Variants in TRHDE observed in about 807,000 individuals in gnomAD.
TRHDE encodes the protein thyrotropin releasing hormone degrading enzyme.
Under a neutral mutation model 125.7 loss-of-function variants are expected in TRHDE, and 72 were observed. The ratio of observed to expected loss-of-function variants is 0.57; its 90% CI spans 0.47 to 0.70. The LOEUF is 0.70. TRHDE is among the 30% of genes least tolerant of loss of function. TRHDE has a pLI of 0.00. For missense variants in TRHDE, 1,110 were observed against 1,327.1 expected, an observed-to-expected ratio of 0.84 and a Z score of 2.54; for synonymous variants, 509 against 509.1, an observed-to-expected ratio of 1.00 and a Z score of 0.00.
chr12:72,584,245 A>G (rs1414850622), intron 12 of TRHDE, among the ~76,000 whole-genome samples: 2 of 152,096 alleles, frequency 1.3e-5, no homozygotes, highest in Non-Finnish European at 2.9e-5. Context: ...GTATTTTGAC[A>G]TTATTCTGTA....
At chr12:72,254,541 A>G (rs1198928802) in intron 2 of TRHDE, 1 of 152,206 alleles carries the variant, frequency 6.6e-6, no homozygotes, top group African/African-American at 2.4e-5. Context: ...TTAGATTAGT[A>G]TATCCTTTTC....
chr12:72,531,662 C>T (rs10879439), intron 6 of TRHDE, among the ~76,000 whole-genome samples: 59,658 of 151,706 alleles, frequency 0.39, 14,049 homozygotes, highest in African/African-American at 0.65. Context: ...TGATGTTGTG[C>T]TGTCCAATGT....
At chr12:72,127,047 A>C (rs1441161322) in intron 2 of TRHDE, among the ~76,000 whole-genome samples, 1 of 152,216 alleles carries the variant, frequency 6.6e-6, no homozygotes, top group African/African-American at 2.4e-5. Flanking sequence ...AGACATGAAC[A>C]CTTCTCAAAA....
intron 3 of TRHDE, among the ~76,000 whole-genome samples, chr12:72,450,993 T>G (rs1875542727): frequency 6.6e-6 from 1 of 152,186 alleles, no homozygotes; most frequent in Non-Finnish European, 1.5e-5. Flanking sequence ...AAAATCAAAT[T>G]ATTTGTTTTC....
intron 2 of TRHDE, among the ~76,000 whole-genome samples, chr12:72,330,390 A>T (rs1034521677): frequency 3.3e-5 from 5 of 151,894 alleles, no homozygotes; most frequent in African/African-American, 4.8e-5. Context: ...AATCATGCAC[A>T]TAGTTGGTTC....
At chr12:72,417,287 T>G (rs1472281119) in intron 3 of TRHDE, among the ~76,000 whole-genome samples, 2 of 152,050 alleles carry the variant, frequency 1.3e-5, no homozygotes, top group African/African-American at 2.4e-5. Context: ...ACTTTGATAG[T>G]CCTAAGTTTT....
intron 12 of TRHDE, among the ~76,000 whole-genome samples, chr12:72,615,703 C>T (rs928468087): frequency 1.3e-5 from 2 of 152,066 alleles, no homozygotes; most frequent in Non-Finnish European, 1.5e-5. Context: ...TTACTCTATT[C>T]GAGGTCTGCA....
intron 2 of TRHDE, among the ~76,000 whole-genome samples, chr12:72,335,841 T>TA (rs1234501064): frequency 6.6e-6 from 1 of 152,160 alleles, no homozygotes. Context: ...AGAGCTGCCT[T>TA]AAAAAACCCA....
intron 5 of TRHDE, among the ~76,000 whole-genome samples, chr12:72,487,723 T>A (rs1360295401): frequency 6.6e-6 from 1 of 152,130 alleles, no homozygotes. Context: ...GAGGTAAATG[T>A]ATAGTCAGAT....
intron 2 of TRHDE, among the ~76,000 whole-genome samples, chr12:72,133,577 A>G (rs183884232): frequency 1.3e-5 from 2 of 152,288 alleles, no homozygotes; most frequent in Admixed American, 6.5e-5. Flanking sequence ...TGTTGGTTGA[A>G]TTTCAAGATG....
At chr12:72,210,263 A>G (rs1329891512) in intron 2 of TRHDE, among the ~76,000 whole-genome samples, 6 of 152,020 alleles carry the variant, frequency 3.9e-5, no homozygotes, top group Non-Finnish European at 5.9e-5. Flanking sequence ...TTAGCATATG[A>G]CATTAAAAGT....
intron 6 of TRHDE, among the ~76,000 whole-genome samples, chr12:72,512,392 A>AATT (rs902507076): frequency 9.9e-5 from 14 of 141,288 alleles, no homozygotes; most frequent in African/African-American, 3.4e-4. Context: ...TATAATATAT[A>AATT]ATTATTATTA....
rs1592601826 is a variant in TRHDE, at chr12:72,660,860, TA to T, written c.3067-2190del. Among the ~76,000 whole-genome samples, 4 of 152,190 alleles carry T rather than the reference TA, an allele frequency of 2.6e-5. No individual in the cohort carries two copies. In the East Asian group the frequency reaches 7.7e-4, roughly 29 times the overall value. On this transcript the variant is annotated intron_variant, in intron 18 of 18. Coordinates refer to ENST00000261180, the MANE Select transcript of TRHDE (RefSeq NM_013381.3). ...GGAAGAAATAAGCAAACTAGAATGC[TA>T]ACTGCCTTTCTTTTACCCCAAGCCC...
At chr12:72,321,514 T>C (rs1869094382) in intron 2 of TRHDE, among the ~76,000 whole-genome samples, 2 of 152,158 alleles carry the variant, frequency 1.3e-5, no homozygotes, top group Non-Finnish European at 2.9e-5. Flanking sequence ...GAAAGTGTTT[T>C]CAAAATTCAC....
At chr12:72,582,399 C>T in intron 12 of TRHDE, 1 of 985,204 alleles carries the variant, frequency 1.0e-6, no homozygotes, top group South Asian at 4.7e-5. Flanking sequence ...ATAACCTTAA[C>T]AACATTTGCA....
chr12:72,494,595 A>C (rs1187059541), intron 5 of TRHDE, among the ~76,000 whole-genome samples: 1 of 151,642 alleles, frequency 6.6e-6, no homozygotes, highest in Non-Finnish European at 1.5e-5. Flanking sequence ...CCTTACTCTT[A>C]TTTCCTATTT....
chr12:72,239,056 G>C (rs767205108), intron 2 of TRHDE, among the ~76,000 whole-genome samples: 87 of 152,276 alleles, frequency 5.7e-4, no homozygotes, highest in Non-Finnish European at 1.1e-3. Context: ...AGCATCTGTT[G>C]TTTCCTGACT....
At chr12:72,378,187 T>A in intron 3 of TRHDE, 66 bp downstream of exon 3, 1 of 1,422,618 alleles carries the variant, frequency 7.0e-7, no homozygotes, top group Admixed American at 2.4e-5. Flanking sequence ...CTTCATGTGT[T>A]TATTTGAGCC....
intron 6 of TRHDE, among the ~76,000 whole-genome samples, chr12:72,520,709 C>T (rs767878323): frequency 1.8e-4 from 27 of 152,120 alleles, no homozygotes; most frequent in Admixed American, 7.9e-4. Flanking sequence ...AGCTTCTTAG[C>T]ATCAGAAAAT....
Sources: gnomAD v4.1 joint callset for allele counts (sites outside exome capture counted in the v4.1 genomes callset) on GRCh38, gnomAD v4.1.1 for gene constraint, MANE v1.5 for transcripts, NCBI Gene and HGNC (gene_info 2026-07-23, HGNC 2026-07-21) for gene names.